The following SBF2 variants were observed in gnomAD, a reference collection of about 807,000 sequenced individuals.
The protein encoded by SBF2 is myotubularin-related protein 13.
SBF2 carries 112 observed loss-of-function variants against 225.2 expected under a neutral mutation model. That is an observed-to-expected ratio of 0.50 (90% CI 0.43 to 0.58). The LOEUF is 0.58. SBF2 is among the 20% of genes least tolerant of loss of function. The pLI is 0.00. For missense variants in SBF2, 1,996 were observed against 2,206.2 expected (o/e 0.90, Z 1.91); for synonymous variants, 763 against 773.3 (o/e 0.99, Z 0.22).
At chr11:10,177,444 CA>C (rs1307672181) in intron 2 of SBF2, among the ~76,000 whole-genome samples, 3 of 150,412 alleles carry the variant, frequency 2.0e-5, no homozygotes, top group Non-Finnish European at 4.4e-5. Context: ...TAGAAAACCC[CA>C]TTGTCTCAGT....
chr11:10,111,406 C>T (rs1241441783), intron 2 of SBF2, among the ~76,000 whole-genome samples: 1 of 152,158 alleles, frequency 6.6e-6, no homozygotes, highest in African/African-American at 2.4e-5. Flanking sequence ...TGTACAATCA[C>T]TCAAATCATA....
intron 1 of SBF2, among the ~76,000 whole-genome samples, chr11:10,302,288 T>C (rs1229943371): frequency 6.6e-6 from 1 of 152,224 alleles, no homozygotes; most frequent in African/African-American, 2.4e-5. Context: ...AAACTCCTTA[T>C]CTTTTTTCGA....
intron 1 of SBF2, among the ~76,000 whole-genome samples, chr11:10,275,017 A>G (rs533406497): frequency 4.6e-5 from 7 of 152,342 alleles, no homozygotes; most frequent in Admixed American, 1.3e-4. Context: ...GTTATGAATT[A>G]AAAGTAAAAA....
At chr11:10,206,590 C>T (rs1957758818) in intron 1 of SBF2, among the ~76,000 whole-genome samples, 1 of 152,028 alleles carries the variant, frequency 6.6e-6, no homozygotes, top group African/African-American at 2.4e-5. Context: ...CTTAAAAATA[C>T]ATCAAATCAT....
Position 10,173,528 on chromosome 11 carries a change from T to C in SBF2, c.141+20374A>G, listed in dbSNP as rs562383272. The stretch of plus-strand genomic sequence containing the variant: ...GGGTCCTACGCCCACGGAGTCTCGC[T>C]GATTGCTAGCACAGCAGTCTGAGAT... On this transcript the variant is annotated intron_variant, in intron 2 of 39. Transcript: ENST00000256190. Among the ~76,000 whole-genome samples the C allele has an allele frequency of 1.6e-4, 25 of 152,322 alleles. No individual in the cohort carries two copies. The South Asian group carries it at 4.6e-3, about 28-fold the overall frequency.
chr11:9,921,004 T>G, intron 16 of SBF2, among the ~76,000 whole-genome samples: 1 of 151,866 alleles, frequency 6.6e-6, no homozygotes, highest in East Asian at 1.9e-4. Context: ...CTACTGCCTA[T>G]AGTAATAGTT....
intron 2 of SBF2, among the ~76,000 whole-genome samples, chr11:10,067,825 G>A (rs1950688498): frequency 6.6e-6 from 1 of 152,108 alleles, no homozygotes; most frequent in Admixed American, 6.6e-5. Context: ...CCAAAAGGTT[G>A]AAGCTGCAGT....
chr11:9,970,300 G>A (rs888219129), intron 13 of SBF2, among the ~76,000 whole-genome samples: 5 of 151,560 alleles, frequency 3.3e-5, no homozygotes, highest in Non-Finnish European at 7.4e-5. Context: ...TCCACCTCCC[G>A]GGTTCACACC....
intron 16 of SBF2, among the ~76,000 whole-genome samples, chr11:9,945,194 T>G (rs947407660): frequency 6.6e-6 from 1 of 152,084 alleles, no homozygotes; most frequent in African/African-American, 2.4e-5. Context: ...AACTTCAAAC[T>G]ATACCACAAA....
chr11:10,259,737 G>A (rs773289792), intron 1 of SBF2, among the ~76,000 whole-genome samples: 5 of 151,804 alleles, frequency 3.3e-5, no homozygotes, highest in Admixed American at 1.3e-4. Flanking sequence ...TAGAGATTCC[G>A]AAACATAACA....
intron 2 of SBF2, among the ~76,000 whole-genome samples, chr11:10,132,832 T>C (rs1954132900): frequency 6.7e-6 from 1 of 149,004 alleles, no homozygotes; most frequent in Non-Finnish European, 1.5e-5. Flanking sequence ...GTCAGGGCGC[T>C]GATTGGTGCG....
At chr11:10,224,418 T>C (rs949199511) in intron 1 of SBF2, among the ~76,000 whole-genome samples, 3 of 152,142 alleles carry the variant, frequency 2.0e-5, no homozygotes, top group Admixed American at 2.0e-4. Context: ...AATTAGATCA[T>C]GTCACTTTAC....
Position 9,785,232 on chromosome 11 carries a change from G to C in SBF2, c.5124C>G (p.Asp1708Glu). The change falls in exon 37 of 40, where the codon GAC becomes GAG. Residue 1708 changes from aspartate to glutamate, a missense_variant. Asp to Glu is a conservative substitution (Grantham distance 45). Transcript: ENST00000256190. ...YQKRSLLHLP[D>E]SSMGEEQNSS... ...AATTCTGTTCCTCCCCCATGCTGCT[G>C]TCTGGGAGATGTAGCAGAGACCTCT... The C allele has an allele frequency of 6.2e-7, 1 of 1,614,178 alleles. No individual in the cohort carries two copies. Among genetic ancestry groups the C allele is most frequent in the Non-Finnish European group, 8.5e-7 (1 of 1,179,998 alleles).
At chr11:10,005,386 T>C (rs534705764) in intron 6 of SBF2, among the ~76,000 whole-genome samples, 36 of 152,180 alleles carry the variant, frequency 2.4e-4, no homozygotes, top group African/African-American at 8.4e-4. Context: ...GGGAAGAATC[T>C]GGGGAGGAGA....
In SBF2 at chr11:10,140,183, T is replaced by C. The variant is rs1565276414; in HGVS notation, c.141+53719A>G. On this transcript the variant is annotated intron_variant, in intron 2 of 39. Coordinates refer to ENST00000256190, the MANE Select transcript of SBF2 (RefSeq NM_030962.4). The stretch of plus-strand genomic sequence containing the variant: ...GGTCTGTGACTAGAAACACAGCTCC[T>C]AAAACCTCTGGAATCTCAGAAGTGT... 3.9e-5 allele frequency among the ~76,000 whole-genome samples: 6 copies of C among 152,178 alleles called. 1 individual carries two copies.
intron 16 of SBF2, among the ~76,000 whole-genome samples, chr11:9,917,754 T>C (rs370886087): frequency 5.9e-5 from 9 of 151,408 alleles, no homozygotes; most frequent in South Asian, 2.1e-4. Context: ...TTTTGTAATA[T>C]AAAGCACCAC....
chr11:10,132,892 T>C (rs1442662217), intron 2 of SBF2, among the ~76,000 whole-genome samples: 1 of 148,816 alleles, frequency 6.7e-6, no homozygotes, highest in Non-Finnish European at 1.5e-5. Flanking sequence ...CCCATCAGAT[T>C]AGTTAGATAC....
At chr11:9,954,539 C>T (rs935803198) in intron 16 of SBF2, among the ~76,000 whole-genome samples, 10 of 152,188 alleles carry the variant, frequency 6.6e-5, no homozygotes, top group African/African-American at 2.2e-4. Flanking sequence ...CGTTCAACAA[C>T]AGCATGTGCT....
At chr11:10,041,859 C>T (rs1390409500) in intron 3 of SBF2, among the ~76,000 whole-genome samples, 1 of 150,184 alleles carries the variant, frequency 6.7e-6, no homozygotes, top group African/African-American at 2.4e-5. Context: ...TACTCAATAT[C>T]TTCGAAGTCC....
Sources: allele counts gnomAD v4.1 joint callset (sites outside exome capture counted in the v4.1 genomes callset), GRCh38; gene constraint gnomAD v4.1.1; transcripts MANE v1.5; gene names NCBI Gene and HGNC (gene_info 2026-07-23, HGNC 2026-07-21).